FARSB: variants seen among roughly 807,000 people sequenced by gnomAD.
FARSB encodes the protein phenylalanine--tRNA ligase beta subunit.
In FARSB, 40 loss-of-function variants were observed where a neutral mutation model predicts 69.6. The observed-to-expected ratio is 0.57, with a 90% confidence interval of 0.45 to 0.75. FARSB has a LOEUF of 0.75. FARSB is among the 30% of genes least tolerant of loss of function. The pLI, the probability that FARSB is intolerant of heterozygous loss-of-function variation, is 0.00. For missense variants in FARSB, 632 were observed against 722.9 expected (o/e 0.87, Z 1.44); for synonymous variants, 235 against 247.2 (o/e 0.95, Z 0.46).
intron 16 of FARSB, among the ~76,000 whole-genome samples, chr2:222,572,314 T>C (rs1480496727): frequency 2.0e-5 from 3 of 152,004 alleles, no homozygotes; most frequent in African/African-American, 4.8e-5. Flanking sequence ...AGGTCCACAG[T>C]CAGAAGTCCT....
intron 16 of FARSB, among the ~76,000 whole-genome samples, chr2:222,592,664 G>A (rs16863920): frequency 0.15 from 21,792 of 149,398 alleles, 2,506 homozygotes; most frequent in East Asian, 0.56. Flanking sequence ...ATAGAATAGT[G>A]GAGGCCAAGA....
At chr2:222,654,178 C>G (rs79053263) in intron 1 of FARSB, among the ~76,000 whole-genome samples, 9 of 152,138 alleles carry the variant, frequency 5.9e-5, no homozygotes, top group Admixed American at 4.6e-4. Flanking sequence ...TTCAGGTATA[C>G]AGACTGAGCA....
At chr2:222,640,760 C>G (rs112864346) in intron 4 of FARSB, 102 bp downstream of exon 4, 715 of 571,900 alleles carry the variant, frequency 1.3e-3, no homozygotes, top group African/African-American at 0.012. Flanking sequence ...TGTCTCAAAA[C>G]AAAAAAAAAA....
rs749371262 is a variant in FARSB, at chr2:222,628,800, G to A, written c.900+37C>T. The A allele has an allele frequency of 5.1e-6, 7 of 1,384,404 alleles. No individual in the cohort carries two copies. The African/African-American group carries it at 8.5e-5, about 17-fold the overall frequency. The allele number at this position is 1,384,404 out of a possible 1,614,324, so 85.8% of individuals were successfully genotyped here. A position where few individuals can be genotyped will look rare whatever the true frequency, so the allele number is the denominator to read the frequency against. ...CTCTATAGCCATTATTATTAGCATT[G>A]TTGTCATAATCATGAAGTCATTTCT... On this transcript the variant is annotated intron_variant, in intron 10 of 16. Transcript: ENST00000281828.
rs1553553086 is a variant in FARSB, at chr2:222,623,699, C to T, written c.1202G>A (p.Arg401Gln). 6 of 1,611,622 alleles carry T rather than the reference C, an allele frequency of 3.7e-6. No individual in the cohort carries two copies. The highest frequency in any genetic ancestry group is 4.2e-6 in the Non-Finnish European group (5 of 1,178,058). Residue 401 changes from arginine (R) to glutamine (Q), a missense_variant, in exon 13 of 17, where the codon CGA (arginine) becomes CAA (glutamine). Coordinates refer to ENST00000281828, the MANE Select transcript of FARSB (RefSeq NM_005687.5). The part of the protein sequence containing the change: ...FPLNKLTELL[R>Q]HDMAAAGFTE... ...GAAGCCAGCGGCTGCCATGTCATGT[C>T]GGAGAAGTTCAGTGAGCTTATTAAG...
At chr2:222,632,349 A>G (rs543230382) in intron 7 of FARSB, among the ~76,000 whole-genome samples, 71 of 152,302 alleles carry the variant, frequency 4.7e-4, no homozygotes, top group African/African-American at 1.7e-3. Context: ...GCAAGAAACT[A>G]AATTCAGAGA....
intron 15 of FARSB, among the ~76,000 whole-genome samples, chr2:222,605,968 A>G (rs773672101): frequency 1.3e-5 from 2 of 152,308 alleles, no homozygotes; most frequent in Non-Finnish European, 2.9e-5. Context: ...TTTATACTCT[A>G]TTTCATTCAA....
intron 9 of FARSB, among the ~76,000 whole-genome samples, chr2:222,629,229 A>C (rs1691355353): frequency 6.6e-6 from 1 of 152,140 alleles, no homozygotes. Context: ...TGAAAGAATC[A>C]CTGAAATGAA....
intron 16 of FARSB, among the ~76,000 whole-genome samples, chr2:222,572,477 T>C (rs1209019961): frequency 6.6e-6 from 1 of 152,134 alleles, no homozygotes; most frequent in Non-Finnish European, 1.5e-5. Context: ...ACTGAATTCA[T>C]TTGCTCTGTA....
chr2:222,599,623 G>T (rs1214713499), intron 16 of FARSB, among the ~76,000 whole-genome samples: 1 of 152,172 alleles, frequency 6.6e-6, no homozygotes, highest in Non-Finnish European at 1.5e-5. Flanking sequence ...GGTTCACCAT[G>T]TGCTGATGGC....
chr2:222,603,989 G>A (rs1574926136), intron 15 of FARSB, among the ~76,000 whole-genome samples: 1 of 152,074 alleles, frequency 6.6e-6, no homozygotes, highest in African/African-American at 2.4e-5. Context: ...GGCCAAGGCA[G>A]GCGGATCACA....
intron 16 of FARSB, among the ~76,000 whole-genome samples, chr2:222,581,042 G>A (rs145695931): frequency 2.4e-4 from 36 of 152,230 alleles, no homozygotes; most frequent in African/African-American, 7.7e-4. Context: ...GCCAACAGGT[G>A]CTCAGATGTA....
At chr2:222,626,741 T>C (rs1691285434) in intron 10 of FARSB, among the ~76,000 whole-genome samples, 1 of 152,130 alleles carries the variant, frequency 6.6e-6, no homozygotes, top group African/African-American at 2.4e-5. Context: ...CAAATCATCA[T>C]ATTGAAAAGA....
intron 15 of FARSB, among the ~76,000 whole-genome samples, chr2:222,611,211 T>C (rs1381773127): frequency 6.6e-6 from 1 of 152,040 alleles, no homozygotes; most frequent in African/African-American, 2.4e-5. Flanking sequence ...AGAAGAATGG[T>C]ACAAGACAAC....
rs189785456 is a variant in FARSB at position 222,649,044 on chromosome 2, C to T, written c.59-249G>A. Among the ~76,000 whole-genome samples, 225 of 151,590 alleles carry T rather than the reference C, an allele frequency of 1.5e-3. 1 individual carries two copies. The highest frequency in any genetic ancestry group is 0.013 in the Admixed American group (195 of 15,224). ...GAGTTTGAAACCAGCCTGGCCAACACGGTGAAACCCTGTCTCTACTAAAAA... is the reference window on the plus strand; with the variant it reads ...GAGTTTGAAACCAGCCTGGCCAACATGGTGAAACCCTGTCTCTACTAAAAA... On this transcript the variant is annotated intron_variant, in intron 1 of 16. Transcript: ENST00000281828.
chr2:222,593,039 A>G (rs1275882254), intron 16 of FARSB, among the ~76,000 whole-genome samples: 2 of 152,134 alleles, frequency 1.3e-5, no homozygotes, highest in Non-Finnish European at 2.9e-5. Flanking sequence ...CGTATCATAT[A>G]TATAGTGTTC....
In FARSB at chr2:222,568,474, A is replaced by G. The variant is rs1485264620; in HGVS notation, c.*3397T>C. ...AAACTCAACTGTTTTCACCCTACAC[A>G]TCAGGGAGAATTCCTACTCTCATAC... On this transcript the variant is annotated 3_prime_UTR_variant, in exon 17 of 17. Coordinates refer to ENST00000281828, the MANE Select transcript of FARSB (RefSeq NM_005687.5). This position sits in a 1 kb window ranked among gnomAD's most constrained non-coding sequence, Gnocchi z 4.3. The G allele has an allele frequency of 6.6e-6, 1 of 152,206 alleles. No homozygotes were observed. Among genetic ancestry groups the G allele is most frequent in the Non-Finnish European group, 1.5e-5 (1 of 68,034 alleles). The allele number at this position is 152,206 out of a possible 1,614,324, so 9.4% of individuals were successfully genotyped here. A position where few individuals can be genotyped will look rare whatever the true frequency, so the allele number is the denominator to read the frequency against.
intron 16 of FARSB, among the ~76,000 whole-genome samples, chr2:222,582,373 AACAC>A (rs918025638): frequency 6.6e-6 from 1 of 152,116 alleles, no homozygotes. Flanking sequence ...AGAGAATATG[AACAC>A]ACACACACAG....
At position 222,581,349 on chromosome 2, in the gene FARSB, G is replaced by A. The variant is rs142406877; in HGVS notation, c.1619-9327C>T. Among the ~76,000 whole-genome samples, 208 of 152,290 alleles carry A rather than the reference G, an allele frequency of 1.4e-3. 1 individual carries two copies. Among genetic ancestry groups the A allele is most frequent in the Non-Finnish European group, 2.3e-3 (156 of 68,010 alleles). The stretch of plus-strand genomic sequence containing the variant: ...CTCAAAAAAGGAATAATATGGGAGA[G>A]AAGAAATGTGCTGACAGATGAATGA... On this transcript the variant is annotated intron_variant, in intron 16 of 16. Transcript: ENST00000281828.
Sources: allele counts gnomAD v4.1 joint callset (sites outside exome capture counted in the v4.1 genomes callset), GRCh38; gene constraint gnomAD v4.1.1; non-coding constraint Gnocchi (gnomAD v3.1); transcripts MANE v1.5; gene names NCBI Gene and HGNC (gene_info 2026-07-23, HGNC 2026-07-21).